Variants in ZCCHC7 observed in about 807,000 individuals in gnomAD.
ZCCHC7 encodes zinc finger CCHC domain-containing protein 7.
A neutral mutation model predicts 52.0 loss-of-function variants in ZCCHC7; 35 were observed. That is an observed-to-expected ratio of 0.67 (90% CI 0.51 to 0.89). ZCCHC7 has a LOEUF of 0.89. Ranked by LOEUF, ZCCHC7 falls within the 40% of genes least tolerant of loss-of-function variation. The pLI is 0.00. For missense variants in ZCCHC7, 574 were observed against 649.1 expected, an observed-to-expected ratio of 0.88 and a Z score of 1.26; for synonymous variants, 217 against 221.5, an observed-to-expected ratio of 0.98 and a Z score of 0.18.
At chr9:37,341,453 T>C (rs569685788) in intron 6 of ZCCHC7, among the ~76,000 whole-genome samples, 91 of 152,306 alleles carry the variant, frequency 6.0e-4, no homozygotes, top group African/African-American at 2.1e-3. Flanking sequence ...TGCCTGGCCC[T>C]ATTCCAGGAG....
rs1824858095 is a variant in ZCCHC7 at position 37,222,323 on chromosome 9, A to C, written c.611-79865A>C. ...GGCCAAGGGATAAACAGACCAGAAT[A>C]ACAGAGTGTGTGTGTGTGTGTGTGT... On this transcript the variant is annotated intron_variant, in intron 2 of 8. Coordinates refer to ENST00000336755, the MANE Select transcript of ZCCHC7 (RefSeq NM_032226.3). 5.1e-5 allele frequency among the ~76,000 whole-genome samples: 7 copies of C among 137,602 alleles called. No homozygotes were observed. The South Asian group carries it at 1.5e-3, about 29-fold the overall frequency. 90.3% of individuals were successfully genotyped at this position (137,602 alleles called of 152,430 possible). A position where few individuals can be genotyped will look rare whatever the true frequency, so the allele number is the denominator to read the frequency against.
At chr9:37,245,384 G>GT (rs1317016471) in intron 2 of ZCCHC7, among the ~76,000 whole-genome samples, 1 of 151,908 alleles carries the variant, frequency 6.6e-6, no homozygotes, top group East Asian at 1.9e-4. Context: ...CATTTAAACA[G>GT]TTGAAATTGT....
At chr9:37,201,238 A>G (rs116483277) in intron 2 of ZCCHC7, among the ~76,000 whole-genome samples, 1,632 of 152,296 alleles carry the variant, frequency 0.011, 29 homozygotes, top group African/African-American at 0.038. Context: ...TGTCTTTTTA[A>G]TGCCATATTA....
At chr9:37,257,393 G>T (rs1271291146) in intron 2 of ZCCHC7, among the ~76,000 whole-genome samples, 1 of 152,094 alleles carries the variant, frequency 6.6e-6, no homozygotes, top group African/African-American at 2.4e-5. Flanking sequence ...CTATTTTGGG[G>T]TAGCATATTC....
intron 2 of ZCCHC7, among the ~76,000 whole-genome samples, chr9:37,176,785 G>T (rs1822057375): frequency 6.6e-6 from 1 of 152,052 alleles, no homozygotes; most frequent in African/African-American, 2.4e-5. Flanking sequence ...ATTCATTTTA[G>T]CTAAGGCTAA....
intron 2 of ZCCHC7, among the ~76,000 whole-genome samples, chr9:37,289,006 A>G (rs1828397184): frequency 6.6e-6 from 1 of 152,152 alleles, no homozygotes; most frequent in Non-Finnish European, 1.5e-5. Flanking sequence ...GAATATTTTA[A>G]TACTATTGCT....
rs1171247969 is a variant in ZCCHC7, at chr9:37,357,323, A to G, written c.*55A>G. The G allele has an allele frequency of 4.0e-6, 6 of 1,489,878 alleles. No homozygotes were observed. In the African/African-American group the frequency reaches 4.2e-5, roughly 10 times the overall value. 92.3% of individuals were successfully genotyped at this position (1,489,878 alleles called of 1,614,324 possible). On this transcript the variant is annotated 3_prime_UTR_variant, in exon 9 of 9. Transcript: ENST00000336755. ...CATTGTTCATTTGGCCTTTGTGTCT[A>G]TAACCTTCTGGCACTGTGTTTATTA...
chr9:37,130,870 A>G (rs1842752097), intron 2 of ZCCHC7, among the ~76,000 whole-genome samples: 1 of 152,094 alleles, frequency 6.6e-6, no homozygotes, highest in Admixed American at 6.5e-5. Flanking sequence ...AACTTTGTTT[A>G]AAAAATAGGA....
At chr9:37,158,559 T>C (rs987985389) in intron 2 of ZCCHC7, among the ~76,000 whole-genome samples, 4 of 152,324 alleles carry the variant, frequency 2.6e-5, no homozygotes, top group South Asian at 2.1e-4. Context: ...ATATGACATT[T>C]CCCCCTTGAG....
chr9:37,246,695 T>C (rs1826093912), intron 2 of ZCCHC7, among the ~76,000 whole-genome samples: 1 of 152,176 alleles, frequency 6.6e-6, no homozygotes, highest in Non-Finnish European at 1.5e-5. Context: ...TTGAAATATG[T>C]GCAGTTGGCT....
intron 2 of ZCCHC7, among the ~76,000 whole-genome samples, chr9:37,240,510 G>A (rs1825829056): frequency 6.6e-6 from 1 of 151,754 alleles, no homozygotes; most frequent in Non-Finnish European, 1.5e-5. Context: ...GGTGAATTCT[G>A]GTAAGGTATT....
rs144335962 is a variant in ZCCHC7 at position 37,199,421 on chromosome 9, T to A, written c.610+72479T>A. 7.5e-3 allele frequency among the ~76,000 whole-genome samples: 1,083 copies of A among 144,942 alleles called. 13 individuals carry two copies. Among genetic ancestry groups the A allele is most frequent in the African/African-American group, 0.026 (1,035 of 39,898 alleles). ...ATCTCAGCTCGCTGCAACCTCCACC[T>A]CCTGGGTTCAAGCGATTCTCCTGCC... is the stretch of plus-strand genomic sequence containing the variant. On this transcript the variant is annotated intron_variant, in intron 2 of 8. Transcript: ENST00000336755.
At chr9:37,255,541 A>G (rs1010227971) in intron 2 of ZCCHC7, among the ~76,000 whole-genome samples, 3 of 152,116 alleles carry the variant, frequency 2.0e-5, no homozygotes, top group African/African-American at 7.2e-5. Context: ...TTTTCATATA[A>G]TATTTTTGGA....
At chr9:37,207,203 A>T (rs1438431713) in intron 2 of ZCCHC7, among the ~76,000 whole-genome samples, 1 of 152,214 alleles carries the variant, frequency 6.6e-6, no homozygotes, top group Non-Finnish European at 1.5e-5. Flanking sequence ...ACTCCATCAT[A>T]ACTGAAAGTG....
At chr9:37,241,157 T>G (rs1825856963) in intron 2 of ZCCHC7, among the ~76,000 whole-genome samples, 1 of 151,834 alleles carries the variant, frequency 6.6e-6, no homozygotes, top group Non-Finnish European at 1.5e-5. Flanking sequence ...TGATGTTTAT[T>G]TAAGAATTTT....
intron 2 of ZCCHC7, chr9:37,284,082 C>T (rs190645276): frequency 2.9e-4 from 44 of 152,146 alleles, no homozygotes; most frequent in African/African-American, 9.6e-4. Flanking sequence ...GAGTGACAGG[C>T]TCTATTTAAA....
intron 2 of ZCCHC7, among the ~76,000 whole-genome samples, chr9:37,279,882 C>T (rs1048532392): frequency 6.6e-6 from 1 of 151,976 alleles, no homozygotes; most frequent in African/African-American, 2.4e-5. Context: ...CCACCGGGTG[C>T]GGTGGCTTAA....
At chr9:37,130,906 G>A (rs113351433) in intron 2 of ZCCHC7, among the ~76,000 whole-genome samples, 32 of 151,970 alleles carry the variant, frequency 2.1e-4, no homozygotes, top group African/African-American at 7.8e-4. Flanking sequence ...TAATTCATAA[G>A]TCTGTGAAAG....
intron 2 of ZCCHC7, among the ~76,000 whole-genome samples, chr9:37,224,656 C>T (rs1825002520): frequency 6.6e-6 from 1 of 152,130 alleles, no homozygotes; most frequent in Non-Finnish European, 1.5e-5. Context: ...GGGCAGGTGG[C>T]ATCACACTAC....
Sources: allele counts gnomAD v4.1 joint callset (sites outside exome capture counted in the v4.1 genomes callset), GRCh38; gene constraint gnomAD v4.1.1; transcripts MANE v1.5; gene names NCBI Gene and HGNC (gene_info 2026-07-23, HGNC 2026-07-21).